B3GALT1: variants seen among roughly 807,000 people sequenced by gnomAD.
B3GALT1 encodes beta-1,3-galactosyltransferase 1.
In B3GALT1, 10 loss-of-function variants were observed where a neutral mutation model predicts 23.2. That is an observed-to-expected ratio of 0.43 (90% confidence interval 0.27 to 0.73). The LOEUF is 0.73. Ranked by LOEUF, B3GALT1 falls within the 30% of genes least tolerant of loss-of-function variation. The pLI, the probability that B3GALT1 is intolerant of heterozygous loss-of-function variation, is 0.21. For synonymous variants in B3GALT1, 156 were observed against 141.5 expected (o/e 1.10, Z -0.73); for missense variants, 299 against 405.4 (o/e 0.74, Z 2.25).
At chr2:167,712,388 T>C (rs573849131) in intron 3 of B3GALT1, among the ~76,000 whole-genome samples, 18 of 151,110 alleles carry the variant, frequency 1.2e-4, no homozygotes, top group East Asian at 3.9e-4. Flanking sequence ...ATAAAAATAA[T>C]GTGGAATCCA....
intron 3 of B3GALT1, among the ~76,000 whole-genome samples, chr2:167,784,764 C>G (rs1273081191): frequency 6.6e-6 from 1 of 152,064 alleles, no homozygotes; most frequent in Non-Finnish European, 1.5e-5. Context: ...GGAGACCACC[C>G]AATATTCCAA....
At chr2:167,350,267 A>C (rs531520259) in intron 1 of B3GALT1, among the ~76,000 whole-genome samples, 1 of 152,330 alleles carries the variant, frequency 6.6e-6, no homozygotes. Context: ...CATCATTTGA[A>C]GATGAAGATA....
chr2:167,686,412 T>A (rs1686616910), intron 3 of B3GALT1, among the ~76,000 whole-genome samples: 1 of 152,212 alleles, frequency 6.6e-6, no homozygotes, highest in Admixed American at 6.5e-5. Context: ...TTCATTCACG[T>A]GTATTTTTAT....
intron 1 of B3GALT1, among the ~76,000 whole-genome samples, chr2:167,467,181 T>C (rs1699361875): frequency 6.6e-6 from 1 of 151,858 alleles, no homozygotes; most frequent in Non-Finnish European, 1.5e-5. Context: ...GGAAGGGATA[T>C]TAAGAAAAAG....
rs1369037601 is a variant in B3GALT1, at chr2:167,550,363, CTTACTT to C, written c.-410+60094_-410+60099del. 3.3e-5 allele frequency among the ~76,000 whole-genome samples: 5 copies of C among 152,298 alleles called. No homozygotes were observed. The East Asian group carries it at 9.6e-4, about 29-fold the overall frequency. On this transcript the variant is annotated intron_variant, in intron 2 of 4. Coordinates refer to ENST00000392690, the MANE Select transcript of B3GALT1 (RefSeq NM_020981.4). ...CTAAAATGCAATAAGTCTCCAGAAA[CTTACTT>C]TTACTTTAAGAACCTGTGGCATTTT...
At chr2:167,736,778 T>C (rs1005962299) in intron 3 of B3GALT1, among the ~76,000 whole-genome samples, 1 of 151,916 alleles carries the variant, frequency 6.6e-6, no homozygotes, top group Non-Finnish European at 1.5e-5. Flanking sequence ...TATATACACA[T>C]GAAAAAGTAG....
chr2:167,434,986 A>T lies in B3GALT1; in HGVS notation c.-510-55191A>T, dbSNP rs112370594. Among the ~76,000 whole-genome samples the T allele has an allele frequency of 5.3e-5, 8 of 152,234 alleles. 1 individual carries two copies. The highest frequency in any genetic ancestry group is 1.9e-4 in the African/African-American group (8 of 41,568). On this transcript the variant is annotated intron_variant, in intron 1 of 4. Transcript: ENST00000392690. ...AATTATAATGTAACTTACAAAGTAG[A>T]ATGAAAATACTGGGGCTTGTTCTTA...
chr2:167,502,308 A>G (rs1485038193), intron 2 of B3GALT1, among the ~76,000 whole-genome samples: 3 of 152,208 alleles, frequency 2.0e-5, no homozygotes, highest in Non-Finnish European at 4.4e-5. Flanking sequence ...GATCAGTGAA[A>G]GTAAGGGGAA....
chr2:167,447,589 C>T (rs1190594186), intron 1 of B3GALT1, among the ~76,000 whole-genome samples: 2 of 152,122 alleles, frequency 1.3e-5, no homozygotes, highest in Admixed American at 1.3e-4. Flanking sequence ...GCCTCTCTGC[C>T]CCCTTGCAGT....
intron 1 of B3GALT1, among the ~76,000 whole-genome samples, chr2:167,297,501 C>A (rs1696370199): frequency 6.6e-6 from 1 of 151,810 alleles, no homozygotes; most frequent in South Asian, 2.1e-4. Flanking sequence ...GCTGAAACAA[C>A]AATTTTCAAG....
At chr2:167,785,587 G>A (rs978458949) in intron 3 of B3GALT1, among the ~76,000 whole-genome samples, 2 of 152,176 alleles carry the variant, frequency 1.3e-5, no homozygotes, top group Non-Finnish European at 2.9e-5. Context: ...ACACCGTGGT[G>A]TATGGTCTAT....
chr2:167,803,034 AAATT>A (rs1198961569), intron 3 of B3GALT1, among the ~76,000 whole-genome samples: 18 of 151,810 alleles, frequency 1.2e-4, no homozygotes, highest in South Asian at 6.3e-4. Context: ...TAACTTGAGG[AAATT>A]AATTAATTCA....
rs371916800 is a variant in B3GALT1 at position 167,722,679 on chromosome 2, G to A, written c.-352+75713G>A. Among the ~76,000 whole-genome samples, 825 of 152,266 alleles carry A rather than the reference G, an allele frequency of 5.4e-3. 1 individual carries two copies. Among genetic ancestry groups the A allele is most frequent in the Middle Eastern group, 0.014 (4 of 294 alleles). ...CATAAGCTGATGGCTTTGAATTAGC[G>A]TGGTCTTTGATAAGAGCTTTATTCC... On this transcript the variant is annotated intron_variant, in intron 3 of 4. Transcript: ENST00000392690.
intron 1 of B3GALT1, among the ~76,000 whole-genome samples, chr2:167,432,507 A>G (rs1413284628): frequency 6.6e-6 from 1 of 152,198 alleles, no homozygotes; most frequent in South Asian, 2.1e-4. Context: ...AGCTCCACTC[A>G]CTCGTCTTAC....
intron 1 of B3GALT1, among the ~76,000 whole-genome samples, chr2:167,332,452 G>A (rs547486938): frequency 1.3e-5 from 2 of 152,336 alleles, no homozygotes; most frequent in East Asian, 3.9e-4. Flanking sequence ...AAGACCTACA[G>A]TATCAGCAAT....
intron 4 of B3GALT1, among the ~76,000 whole-genome samples, chr2:167,826,768 A>G (rs1689238088): frequency 6.6e-6 from 1 of 152,218 alleles, no homozygotes; most frequent in African/African-American, 2.4e-5. Context: ...ACACAACAAT[A>G]AAAGATAATA....
chr2:167,706,837 C>A (rs1686974000), intron 3 of B3GALT1, among the ~76,000 whole-genome samples: 1 of 152,232 alleles, frequency 6.6e-6, no homozygotes, highest in African/African-American at 2.4e-5. Context: ...TAAAAACTTG[C>A]CATTCCTTAC....
At chr2:167,533,566 T>C (rs1303140541) in intron 2 of B3GALT1, among the ~76,000 whole-genome samples, 2 of 152,214 alleles carry the variant, frequency 1.3e-5, no homozygotes, top group Admixed American at 6.5e-5. Flanking sequence ...TATTTTGCTA[T>C]GAAATTATGT....
chr2:167,807,061 G>A (rs931874345), intron 3 of B3GALT1, among the ~76,000 whole-genome samples: 3 of 152,072 alleles, frequency 2.0e-5, no homozygotes, highest in African/African-American at 4.8e-5. Flanking sequence ...ATGTGTCGAG[G>A]AACTTATCCA....
Sources: gnomAD v4.1 joint callset for allele counts (sites outside exome capture counted in the v4.1 genomes callset) on GRCh38, gnomAD v4.1.1 for gene constraint, MANE v1.5 for transcripts, NCBI Gene and HGNC (gene_info 2026-07-23, HGNC 2026-07-21) for gene names.